Variants in LRRC8A observed in about 807,000 individuals in gnomAD.
The protein encoded by LRRC8A is volume-regulated anion channel subunit LRRC8A.
Under a neutral mutation model 52.5 loss-of-function variants are expected in LRRC8A, and 24 were observed. The ratio of observed to expected loss-of-function variants is 0.46; its 90% CI spans 0.33 to 0.64. The LOEUF (loss-of-function observed/expected upper bound fraction) is 0.64. Among genes scored for constraint, LRRC8A ranks in the 30% least tolerant of loss-of-function variants. The pLI is 0.02. For missense variants in LRRC8A, 677 were observed against 1,094.7 expected, an observed-to-expected ratio of 0.62 and a Z score of 5.38; for synonymous variants, 492 against 494.2, an observed-to-expected ratio of 1.00 and a Z score of 0.06.
intron 2 of LRRC8A, among the ~76,000 whole-genome samples, chr9:128,898,099 GA>G (rs1839892637): frequency 6.7e-6 from 1 of 150,138 alleles, no homozygotes; most frequent in Non-Finnish European, 1.5e-5. Flanking sequence ...ATTTATGGCA[GA>G]GGGGTTATGT....
At position 128,899,450 on chromosome 9, in the gene LRRC8A, G is replaced by A. The variant is rs2130982723; in HGVS notation, c.-8-7707G>A. Among the ~76,000 whole-genome samples, 1 of 152,148 alleles carries A rather than the reference G, an allele frequency of 6.6e-6. No individual in the cohort carries two copies. Among genetic ancestry groups the A allele is most frequent in the South Asian group, 2.1e-4 (1 of 4,810 alleles). The stretch of plus-strand genomic sequence containing the variant: ...GAGGTGCTGCCTGTCTGGGCCCACT[G>A]TAAATCCAGGTTTGAACGCCACCTC... On this transcript the variant is annotated intron_variant, in intron 2 of 3. Transcript: ENST00000372600. The surrounding 1 kb of genome is among the most constrained non-coding windows in gnomAD (Gnocchi z 4.0).
At chr9:128,906,952 G>A (rs1840276329) in intron 2 of LRRC8A, among the ~76,000 whole-genome samples, 1 of 152,208 alleles carries the variant, frequency 6.6e-6, no homozygotes, top group African/African-American at 2.4e-5. Flanking sequence ...CCCCAGGGTG[G>A]TTTCCCAGCC....
At chr9:128,895,764 G>T (rs191066971) in intron 2 of LRRC8A, among the ~76,000 whole-genome samples, 4 of 152,296 alleles carry the variant, frequency 2.6e-5, no homozygotes, top group Admixed American at 1.3e-4. Flanking sequence ...CTGCTGCTCC[G>T]GTAACCTGGT....
At position 128,916,242 on chromosome 9, in the gene LRRC8A, C is replaced by T. The variant is rs780941988; in HGVS notation, c.2304C>T (p.Cys768=). ...QIELRGNRLE[C]LPVELGECPL... ...AGCTGCGGGGCAACCGGCTGGAGTGCCTGCCTGTGGAGCTGGGCGAGTGCC... is the reference window on the plus strand; with the variant it reads ...AGCTGCGGGGCAACCGGCTGGAGTGTCTGCCTGTGGAGCTGGGCGAGTGCC... The change falls in exon 4 of 4, where the codon TGC becomes TGT. Residue 768 remains cysteine, a synonymous_variant. Transcript: ENST00000372600. This position sits in a 1 kb window ranked among gnomAD's most constrained non-coding sequence, Gnocchi z 6.1. 8 of 1,613,780 alleles carry T rather than the reference C, an allele frequency of 5.0e-6. No individual in the cohort carries two copies. The South Asian group carries it at 8.8e-5, about 18-fold the overall frequency.
At position 128,916,152 on chromosome 9, in the gene LRRC8A, G is replaced by A. The variant is rs749787818; in HGVS notation, c.2214G>A (p.Leu738=). The stretch of plus-strand genomic sequence containing the variant: ...GCCGGAAGCTGCGGGCCCTGCACCT[G>A]GGCAACAACGTGCTGCAGTCACTGC... ...FQCRKLRALH[L]GNNVLQSLPS... The change falls in exon 4 of 4, where the codon CTG becomes CTA. Residue 738 remains leucine, a synonymous_variant. Coordinates refer to ENST00000372600, the MANE Select transcript of LRRC8A (RefSeq NM_019594.4). The surrounding 1 kb of genome is among the most constrained non-coding windows in gnomAD (Gnocchi z 6.1). 4.0e-5 allele frequency: 65 copies of A among 1,613,078 alleles called. No homozygotes were observed. The highest frequency in any genetic ancestry group is 5.2e-5 in the Non-Finnish European group (61 of 1,179,824).
At chr9:128,904,854 G>A (rs1344969530) in intron 2 of LRRC8A, among the ~76,000 whole-genome samples, 2 of 151,920 alleles carry the variant, frequency 1.3e-5, no homozygotes, top group African/African-American at 2.4e-5. Context: ...AAAATTAGCC[G>A]GGTGTGGTGG....
chr9:128,907,814 C>A lies in LRRC8A; in HGVS notation c.650C>A (p.Ser217Ter). ...ATVPMLQRTK[S>*]RIEQGIVDRS... ...GTGCCCATGCTGCAGCGGACCAAGT[C>A]ACGGATCGAGCAGGGTATCGTGGAC... Residue 217 changes from serine to a stop codon, truncating the protein, a stop_gained, in exon 3 of 4, where the codon TCA becomes TAA. Transcript: ENST00000372600. LOFTEE classifies it high-confidence loss of function. The surrounding 1 kb of genome is among the most constrained non-coding windows in gnomAD (Gnocchi z 9.3). 2 of 1,614,004 alleles carry A rather than the reference C, an allele frequency of 1.2e-6. No individual in the cohort carries two copies. The highest frequency in any genetic ancestry group is 1.7e-6 in the Non-Finnish European group (2 of 1,179,998).
chr9:128,891,028 T>A (rs1429735853), intron 2 of LRRC8A, among the ~76,000 whole-genome samples: 1 of 151,644 alleles, frequency 6.6e-6, no homozygotes, highest in Admixed American at 6.6e-5. Flanking sequence ...CTCAGCACTT[T>A]GGGAGGCTGA....
chr9:128,891,574 C>T (rs1024183174), intron 2 of LRRC8A, among the ~76,000 whole-genome samples: 4 of 152,176 alleles, frequency 2.6e-5, no homozygotes, highest in Non-Finnish European at 5.9e-5. Context: ...AAAAATAAAA[C>T]GGCCTGCCTT....
At chr9:128,914,554 A>C (rs1840721234) in intron 3 of LRRC8A, among the ~76,000 whole-genome samples, 1 of 152,112 alleles carries the variant, frequency 6.6e-6, no homozygotes, top group African/African-American at 2.4e-5. Flanking sequence ...TCCTCTCCTG[A>C]CCCTTTCGGA....
chr9:128,905,239 G>A (rs962236644), intron 2 of LRRC8A, among the ~76,000 whole-genome samples: 17 of 152,322 alleles, frequency 1.1e-4, no homozygotes, highest in Middle Eastern at 3.4e-3. Context: ...TCAGTGAAAA[G>A]TTAACAGTGT....
chr9:128,915,458 G>A (rs1298768076), intron 3 of LRRC8A, among the ~76,000 whole-genome samples: 1 of 152,144 alleles, frequency 6.6e-6, no homozygotes, highest in African/African-American at 2.4e-5. Context: ...CCGAGTAGCT[G>A]GGACTACAGG....
chr9:128,909,089 C>T lies in LRRC8A; in HGVS notation c.1925C>T (p.Thr642Ile), dbSNP rs1840383114. Residue 642 changes from threonine to isoleucine, a missense_variant, in exon 3 of 4, where the codon ACC (threonine) becomes ATC (isoleucine). Transcript: ENST00000372600. ...IISFQHLHRL[T>I]CLKLWYNHIA... ...AGCTTCCAGCACCTGCACCGCCTCA[C>T]CTGCCTTAAGCTGTGGTACAACCAC... The T allele has an allele frequency of 7.4e-6, 12 of 1,614,170 alleles. No individual in the cohort carries two copies. The highest frequency in any genetic ancestry group is 2.2e-5 in the East Asian group (1 of 44,880).
chr9:128,910,470 G>A (rs914711501), intron 3 of LRRC8A, among the ~76,000 whole-genome samples: 6 of 152,210 alleles, frequency 3.9e-5, no homozygotes, highest in Admixed American at 1.3e-4. Context: ...AGGTGGGGCG[G>A]TCACTTGAGC....
chr9:128,913,557 C>T (rs1840659331), intron 3 of LRRC8A, among the ~76,000 whole-genome samples: 1 of 152,104 alleles, frequency 6.6e-6, no homozygotes, highest in East Asian at 1.9e-4. Flanking sequence ...CCCCTTTTCT[C>T]TCTGGGGCCT....
chr9:128,883,834 C>G (rs952161651), intron 1 of LRRC8A, among the ~76,000 whole-genome samples: 2 of 152,150 alleles, frequency 1.3e-5, no homozygotes, highest in African/African-American at 4.8e-5. Context: ...ATTAGCCAGG[C>G]ATGGGGCTGC....
At chr9:128,914,145 C>T (rs536438795) in intron 3 of LRRC8A, among the ~76,000 whole-genome samples, 42 of 152,074 alleles carry the variant, frequency 2.8e-4, no homozygotes, top group Non-Finnish European at 5.1e-4. Context: ...GTGGAGATTA[C>T]AGTGAGCCAA....
At chr9:128,883,824 A>G (rs1839261892) in intron 1 of LRRC8A, among the ~76,000 whole-genome samples, 1 of 152,152 alleles carries the variant, frequency 6.6e-6, no homozygotes, top group African/African-American at 2.4e-5. Context: ...AATACAAAAA[A>G]TTAGCCAGGC....
In LRRC8A at chr9:128,907,101, G is replaced by C; in HGVS notation, c.-8-56G>C. The C allele has an allele frequency of 7.3e-7, 1 of 1,377,910 alleles. No homozygotes were observed. The highest frequency in any genetic ancestry group is 1.0e-6 in the Non-Finnish European group (1 of 996,234). 85.4% of individuals were successfully genotyped at this position (1,377,910 alleles called of 1,614,324 possible). ...CATTGTCTTCTTCCCCTGACCCCTGGTCCTAGGAAAGCCAGGCCACCCTGT... is the reference window on the plus strand; with the variant it reads ...CATTGTCTTCTTCCCCTGACCCCTGCTCCTAGGAAAGCCAGGCCACCCTGT... On this transcript the variant is annotated intron_variant, in intron 2 of 3. Coordinates refer to ENST00000372600, the MANE Select transcript of LRRC8A (RefSeq NM_019594.4). This position sits in a 1 kb window ranked among gnomAD's most constrained non-coding sequence, Gnocchi z 9.3.
Sources: gnomAD v4.1 joint callset for allele counts (sites outside exome capture counted in the v4.1 genomes callset) on GRCh38, gnomAD v4.1.1 for gene constraint, Gnocchi (gnomAD v3.1) non-coding constraint, MANE v1.5 for transcripts, NCBI Gene and HGNC (gene_info 2026-07-23, HGNC 2026-07-21) for gene names.